AOPEP: variants seen among roughly 807,000 people sequenced by gnomAD.
The protein encoded by AOPEP is aminopeptidase O.
AOPEP carries 77 observed loss-of-function variants against 98.1 expected under a neutral mutation model. The ratio of observed to expected loss-of-function variants is 0.78; its 90% CI spans 0.65 to 0.95. The LOEUF is 0.95. Among genes scored for constraint, AOPEP ranks in the 40% least tolerant of loss-of-function variants. The probability of loss-of-function intolerance (pLI) is 0.00; values close to 1 mark genes in which losing one functional copy is unlikely to be tolerated. For missense variants in AOPEP, 1,024 were observed against 1,024.7 expected (o/e 1.00, Z 0.01); for synonymous variants, 346 against 365.3 (o/e 0.95, Z 0.60).
chr9:95,087,399 C>T (rs1467417868), downstream of AOPEP, among the ~76,000 whole-genome samples: 1 of 127,818 alleles, frequency 7.8e-6, no homozygotes, highest in Non-Finnish European at 1.6e-5. Flanking sequence ...AGGAGAATCG[C>T]TTGAACCCAG....
intron 3 of AOPEP, among the ~76,000 whole-genome samples, chr9:94,777,410 C>T (rs1315093457): frequency 6.8e-6 from 1 of 146,880 alleles, no homozygotes; most frequent in African/African-American, 2.5e-5. Flanking sequence ...CCAGTCTGGG[C>T]GACAGAGCGA....
chr9:95,068,898 G>A (rs1182738781), intron 14 of AOPEP, among the ~76,000 whole-genome samples: 3 of 152,104 alleles, frequency 2.0e-5, no homozygotes, highest in African/African-American at 4.8e-5. Context: ...GGCTCAGGAT[G>A]CCCCCTTTGA....
intron 13 of AOPEP, among the ~76,000 whole-genome samples, chr9:95,060,152 T>C (rs1309938253): frequency 6.6e-6 from 1 of 152,242 alleles, no homozygotes; most frequent in Non-Finnish European, 1.5e-5. Flanking sequence ...TTTGAGCTTT[T>C]TAATGGATTA....
chr9:95,115,044 G>T, the AOPEP span, among the ~76,000 whole-genome samples: 1 of 152,168 alleles, frequency 6.6e-6, no homozygotes, highest in Non-Finnish European at 1.5e-5. Context: ...GGGCTCAAGC[G>T]ATCTTCCTAC....
At chr9:95,073,364 C>G (rs931532163) in intron 14 of AOPEP, among the ~76,000 whole-genome samples, 1 of 151,684 alleles carries the variant, frequency 6.6e-6, no homozygotes, top group Non-Finnish European at 1.5e-5. Flanking sequence ...CTCTGGAAGC[C>G]GAGCTTGTAT....
At chr9:94,753,744 GT>G (rs1386308781) in intron 1 of AOPEP, among the ~76,000 whole-genome samples, 1 of 152,188 alleles carries the variant, frequency 6.6e-6, no homozygotes, top group Non-Finnish European at 1.5e-5. Flanking sequence ...GTCCAGAGCA[GT>G]TAAAAATGAA....
At chr9:95,142,012 G>A in the AOPEP span, among the ~76,000 whole-genome samples, 12 of 44,568 alleles carry the variant, frequency 2.7e-4, no homozygotes, top group Admixed American at 2.7e-3. Context: ...TTTTTTTTGA[G>A]GCAGAGTTTT....
chr9:95,026,537 A>G (rs1003213573), intron 13 of AOPEP, among the ~76,000 whole-genome samples: 38 of 152,162 alleles, frequency 2.5e-4, no homozygotes, highest in African/African-American at 9.2e-4. Context: ...TGTTCCCTTT[A>G]TTCCTGGACA....
intron 14 of AOPEP, among the ~76,000 whole-genome samples, chr9:95,069,530 G>T (rs535320126): frequency 6.6e-6 from 1 of 152,298 alleles, no homozygotes; most frequent in African/African-American, 2.4e-5. Context: ...CCCCACATGG[G>T]CTCCCACGTT....
Position 94,955,925 on chromosome 9 carries a change from G to A in AOPEP, c.1782G>A (p.Arg594=). ...VHYLKGYFLL[R]FLAKRLGDET... is the part of the protein sequence containing the mutation. ...TCTTCTAGGGCTACTTCCTTCTTCG[G>A]TTTCTTGCCAAAAGACTTGGAGATG... is the stretch of plus-strand genomic sequence containing the variant. Residue 594 remains arginine (R), a synonymous_variant, in exon 9 of 17, where the codon CGG becomes CGA. Transcript: ENST00000375315. 1 of 1,611,802 alleles carries A rather than the reference G, an allele frequency of 6.2e-7. No homozygotes were observed. Among genetic ancestry groups the A allele is most frequent in the Non-Finnish European group, 8.5e-7 (1 of 1,179,246 alleles).
At chr9:94,777,694 C>T (rs1842457744) in intron 3 of AOPEP, among the ~76,000 whole-genome samples, 2 of 126,260 alleles carry the variant, frequency 1.6e-5, no homozygotes, top group Admixed American at 9.7e-5. Context: ...AGTACAGTGG[C>T]GCGATCTCAG....
rs2059300642 is a variant in AOPEP at position 94,967,800 on chromosome 9, A to T, written c.1915A>T (p.Arg639Trp). 1 of 1,612,494 alleles carries T rather than the reference A, an allele frequency of 6.2e-7. No homozygotes were observed. The highest frequency in any genetic ancestry group is 8.5e-7 in the Non-Finnish European group (1 of 1,178,530). The change falls in exon 10 of 17, where the codon AGG (arginine) becomes TGG (tryptophan). Residue 639 changes from arginine (R) to tryptophan (W), a missense_variant and splice_region_variant. By Grantham distance (101) the Arg-to-Trp change is moderately radical (BLOSUM62 -3). This residue lies in a region of AOPEP where 566 missense variants were observed against 551.7 expected (regional missense o/e 1.03). Transcript: ENST00000375315. ...ACTGGAGAACATTCCAGAAGAAAAA[A>T]GGTAAGGACCAATTTAGGAATTTTG... Reference protein sequence around the residue: ...MLLENIPEEKRLELSVENIYQ... With the variant: ...MLLENIPEEKWLELSVENIYQ...
chr9:94,870,143 C>G (rs1182659609), intron 5 of AOPEP, among the ~76,000 whole-genome samples: 2 of 152,098 alleles, frequency 1.3e-5, no homozygotes, highest in Non-Finnish European at 2.9e-5. Context: ...CACACGCCAC[C>G]ATGCCTGGCT....
the AOPEP span, among the ~76,000 whole-genome samples, chr9:95,128,068 C>T: frequency 6.6e-6 from 1 of 152,130 alleles, no homozygotes; most frequent in African/African-American, 2.4e-5. Context: ...GCAGGACCAC[C>T]GTTCAAGAGA....
chr9:95,102,171 A>G, the AOPEP span, among the ~76,000 whole-genome samples: 1 of 152,260 alleles, frequency 6.6e-6, no homozygotes, highest in Admixed American at 6.5e-5. Flanking sequence ...AATGCCAGTC[A>G]CAAGTTGTGG....
the AOPEP span, among the ~76,000 whole-genome samples, chr9:95,102,791 C>T: frequency 1.3e-5 from 2 of 152,224 alleles, no homozygotes; most frequent in Admixed American, 1.3e-4. Context: ...TTGTCGCATG[C>T]GCACTGTGTG....
chr9:94,794,442 TGTTG>T (rs905897309), intron 4 of AOPEP, among the ~76,000 whole-genome samples: 18 of 152,322 alleles, frequency 1.2e-4, no homozygotes, highest in African/African-American at 4.3e-4. Flanking sequence ...ATTCCTTTTG[TGTTG>T]GTTTTATTTT....
the AOPEP span, chr9:95,126,577 T>C: frequency 3.1e-6 from 5 of 1,614,054 alleles, no homozygotes; most frequent in Non-Finnish European, 4.2e-6. Context: ...GCAGGCTGCT[T>C]GAGGCTGTAA....
the AOPEP span, among the ~76,000 whole-genome samples, chr9:95,121,297 T>C: frequency 6.6e-6 from 1 of 152,134 alleles, no homozygotes; most frequent in Non-Finnish European, 1.5e-5. Context: ...GGCATATTGA[T>C]GGAGCTGACT....
Sources: gnomAD v4.1 joint callset for allele counts (sites outside exome capture counted in the v4.1 genomes callset) on GRCh38, gnomAD v4.1.1 for gene constraint, gnomAD v4.1.1 regional missense constraint, MANE v1.5 for transcripts, NCBI Gene and HGNC (gene_info 2026-07-23, HGNC 2026-07-21) for gene names.